PPP4C: variants seen among roughly 807,000 people sequenced by gnomAD.
The protein encoded by PPP4C is protein phosphatase 4 catalytic subunit, also known as serine/threonine-protein phosphatase 4 catalytic subunit.
PPP4C carries 10 observed loss-of-function variants against 40.5 expected under a neutral mutation model. The observed-to-expected ratio is 0.25, with a 90% CI of 0.15 to 0.42. The LOEUF (loss-of-function observed/expected upper bound fraction) is 0.42, where lower values mean the gene tolerates loss of function less well. PPP4C is among the 10% of genes least tolerant of loss of function. PPP4C has a pLI of 1.00. For synonymous variants in PPP4C, 187 were observed against 163.6 expected (o/e 1.14, Z -1.09); for missense variants, 191 against 416.4 (o/e 0.46, Z 4.71).
chr16:30,085,082 C>G lies in PPP4C; in HGVS notation c.*20C>G, dbSNP rs1250272311. 6.2e-7 allele frequency: 1 copy of G among 1,611,652 alleles called. No individual in the cohort carries two copies. The highest frequency in any genetic ancestry group is 1.3e-5 in the African/African-American group (1 of 74,892). On this transcript the variant is annotated 3_prime_UTR_variant, in exon 9 of 9. Transcript: ENST00000279387. ...CTGTGACCCCGCCCGGCCCCTGCCC[C>G]CTCCAACCCTTCTGGCCCTCGCACC...
chr16:30,082,553 CTG>C lies in PPP4C; in HGVS notation c.201+22_201+23del, dbSNP rs539904684. On this transcript the variant is annotated intron_variant, in intron 4 of 8. Coordinates refer to ENST00000279387, the MANE Select transcript of PPP4C (RefSeq NM_002720.3). ...GTTCAGAGTAAGAGTGTGGCCAACA[CTG>C]TGAAATGTAACGGGGGGATGACTGG... 2.4e-4 allele frequency: 391 copies of C among 1,608,528 alleles called. 3 individuals are homozygous for C. The African/African-American group carries it at 4.0e-3, about 17-fold the overall frequency.
chr16:30,083,223 G>A lies in PPP4C; in HGVS notation c.304-171G>A. ...TGGGTCAGCTTTACATTCTCTGGAGGGGTCGTGTGGGCCTGGGAGGTGGCT... is the reference window on the plus strand; with the variant it reads ...TGGGTCAGCTTTACATTCTCTGGAGAGGTCGTGTGGGCCTGGGAGGTGGCT... On this transcript the variant is annotated intron_variant, in intron 5 of 8. Transcript: ENST00000279387. The surrounding 1 kb of genome is among the most constrained non-coding windows in gnomAD (Gnocchi z 6.3). 1.4e-6 allele frequency: 1 copy of A among 724,530 alleles called. No individual in the cohort carries two copies. Among genetic ancestry groups the A allele is most frequent in the Non-Finnish European group, 2.3e-6 (1 of 427,604 alleles). 44.9% of individuals were successfully genotyped at this position (724,530 alleles called of 1,614,324 possible).
chr16:30,077,153 AGGCTCTAGGTTTTGCAGTGTGAGAT>A (rs1381368792), intron 2 of PPP4C, among the ~76,000 whole-genome samples: 1 of 152,310 alleles, frequency 6.6e-6, no homozygotes, highest in African/African-American at 2.4e-5. Context: ...GTAGTGGTTA[AGGCTCTAGGTTTTGCAGTGTGAGAT>A]GGCTCTAGGT....
At position 30,084,658 on chromosome 16, in the gene PPP4C, C is replaced by T. The variant is rs776233542; in HGVS notation, c.605-8C>T. On this transcript the variant is annotated splice_polypyrimidine_tract_variant and splice_region_variant and intron_variant, in intron 7 of 8. Transcript: ENST00000279387. The stretch of plus-strand genomic sequence containing the variant: ...ACATCCCTCTCCATCCCTCCCTTTC[C>T]GCATCAGACACCACAGGCTGGGGCG... 2.3e-5 allele frequency: 37 copies of T among 1,613,226 alleles called. 1 individual carries two copies. Among genetic ancestry groups the T allele is most frequent in the Middle Eastern group, 3.3e-4 (2 of 6,084 alleles).
chr16:30,082,236 A>AG (rs1413682136), intron 3 of PPP4C, among the ~76,000 whole-genome samples: 2 of 152,118 alleles, frequency 1.3e-5, no homozygotes, highest in African/African-American at 4.8e-5. Flanking sequence ...AGAGAGAGGA[A>AG]GGGGCCGGGA....
intron 3 of PPP4C, 41 bp from the exon 4 acceptor site, chr16:30,082,443 C>T (rs1029858079): frequency 1.9e-6 from 3 of 1,587,004 alleles, no homozygotes; most frequent in Non-Finnish European, 2.6e-6. Flanking sequence ...CCTGGCAACT[C>T]CCACTGCTTG....
intron 3 of PPP4C, 44 bp from the exon 4 acceptor site, chr16:30,082,440 A>C: frequency 2.5e-6 from 4 of 1,579,248 alleles, no homozygotes; most frequent in Non-Finnish European, 3.5e-6. Context: ...GTCCCTGGCA[A>C]CTCCCACTGC....
In PPP4C at chr16:30,083,787, G is replaced by T; in HGVS notation, c.604+6G>T. The T allele has an allele frequency of 6.2e-7, 1 of 1,613,862 alleles. No individual in the cohort carries two copies. Among genetic ancestry groups the T allele is most frequent in the Non-Finnish European group, 8.5e-7 (1 of 1,180,012 alleles). On this transcript the variant is annotated splice_donor_region_variant and intron_variant, in intron 7 of 8. Coordinates refer to ENST00000279387, the MANE Select transcript of PPP4C (RefSeq NM_002720.3). The surrounding 1 kb of genome is among the most constrained non-coding windows in gnomAD (Gnocchi z 6.3). ...CCTCTGGTCTGACCCAGAAGGTGAG[G>T]GCATGTGGGCAGGGGCAGGCAGGGA...
chr16:30,084,167 C>T (rs1404241858), intron 7 of PPP4C, among the ~76,000 whole-genome samples: 4 of 152,206 alleles, frequency 2.6e-5, no homozygotes, highest in Non-Finnish European at 4.4e-5. Context: ...GTCACAGGCA[C>T]ACACGCACAG....
At chr16:30,079,784 G>A (rs974946113) in intron 2 of PPP4C, among the ~76,000 whole-genome samples, 7 of 152,172 alleles carry the variant, frequency 4.6e-5, no homozygotes, top group African/African-American at 1.7e-4. Context: ...GCAGAAAGAG[G>A]GGGGCCAGGC....
intron 2 of PPP4C, among the ~76,000 whole-genome samples, chr16:30,079,207 A>C (rs1230475302): frequency 7.7e-6 from 1 of 130,540 alleles, no homozygotes; most frequent in African/African-American, 2.9e-5. Context: ...TTTTTTTTTG[A>C]GACAGAGTTT....
chr16:30,083,847 G>T lies in PPP4C; in HGVS notation c.604+66G>T. The T allele has an allele frequency of 6.3e-7, 1 of 1,593,716 alleles. No individual in the cohort carries two copies. The highest frequency in any genetic ancestry group is 8.5e-7 in the Non-Finnish European group (1 of 1,170,192). ...GGGGTTGGGAAAGAGAGGGAGCAGG[G>T]CTGGTCTTCACTGTCACTCGTCCTC... is the stretch of plus-strand genomic sequence containing the variant. On this transcript the variant is annotated intron_variant, in intron 7 of 8. Coordinates refer to ENST00000279387, the MANE Select transcript of PPP4C (RefSeq NM_002720.3). The surrounding 1 kb of genome is among the most constrained non-coding windows in gnomAD (Gnocchi z 6.3).
At chr16:30,079,029 C>T (rs1417106203) in intron 2 of PPP4C, among the ~76,000 whole-genome samples, 1 of 152,066 alleles carries the variant, frequency 6.6e-6, no homozygotes, top group African/African-American at 2.4e-5. Flanking sequence ...GAGCACGGGC[C>T]CTGCATGTGA....
At chr16:30,080,269 A>G (rs2072478577) in intron 2 of PPP4C, among the ~76,000 whole-genome samples, 1 of 149,618 alleles carries the variant, frequency 6.7e-6, no homozygotes. Context: ...CACTTGACCC[A>G]GGAAGCAGAG....
chr16:30,082,064 AAAAG>A (rs201884359), intron 3 of PPP4C, among the ~76,000 whole-genome samples: 48,232 of 150,306 alleles, frequency 0.32, 8,356 homozygotes, highest in South Asian at 0.43. Flanking sequence ...AAAAAAAAAA[AAAAG>A]AAAGGAAAGA....
At position 30,076,129 on chromosome 16, in the gene PPP4C, T is replaced by C. The variant is rs1252905472; in HGVS notation, c.-64+35T>C. ...CGAGACTCCTCTAAGTCACCGTCCT[T>C]AGCGCGGGACCGCGGGGTTCGACGG... is the stretch of plus-strand genomic sequence containing the variant. On this transcript the variant is annotated intron_variant, in intron 1 of 8. Coordinates refer to ENST00000279387, the MANE Select transcript of PPP4C (RefSeq NM_002720.3). 2.2e-4 allele frequency: 120 copies of C among 553,072 alleles called. 3 individuals are homozygous for C. In the South Asian group the frequency reaches 2.6e-3, roughly 12 times the overall value. 34.3% of individuals were successfully genotyped at this position (553,072 alleles called of 1,614,324 possible).
chr16:30,076,667 T>G (rs1289463700), intron 2 of PPP4C, among the ~76,000 whole-genome samples, 192 bp downstream of exon 2: 1 of 152,076 alleles, frequency 6.6e-6, no homozygotes, highest in African/African-American at 2.4e-5. Context: ...ACACTTAAAG[T>G]TTATTAGACG....
chr16:30,079,638 A>G (rs1596831164), intron 2 of PPP4C, among the ~76,000 whole-genome samples: 1 of 152,140 alleles, frequency 6.6e-6, no homozygotes, highest in African/African-American at 2.4e-5. Flanking sequence ...CTCTTGGACC[A>G]CCGCCAGTGC....
chr16:30,080,344 C>CAAAAA (rs766436567), intron 2 of PPP4C, among the ~76,000 whole-genome samples: 1 of 45,334 alleles, frequency 2.2e-5, no homozygotes, highest in Non-Finnish European at 4.5e-5. Flanking sequence ...GACTCTGTCT[C>CAAAAA]AAAAAAAAAA....
Sources: allele counts gnomAD v4.1 joint callset (sites outside exome capture counted in the v4.1 genomes callset), GRCh38; gene constraint gnomAD v4.1.1; non-coding constraint Gnocchi (gnomAD v3.1); transcripts MANE v1.5; gene names NCBI Gene and HGNC (gene_info 2026-07-23, HGNC 2026-07-21).